Variants in AKAP9 observed in about 807,000 individuals in gnomAD.
AKAP9 encodes A-kinase anchor protein 9.
AKAP9 carries 311 observed loss-of-function variants against 488.5 expected under a neutral mutation model. The observed-to-expected ratio is 0.64, with a 90% CI of 0.58 to 0.70. The LOEUF (loss-of-function observed/expected upper bound fraction) is 0.70, where lower values mean the gene tolerates loss of function less well. AKAP9 is among the 30% of genes least tolerant of loss of function. AKAP9 has a pLI of 0.00. For missense variants in AKAP9, 4,215 were observed against 4,374.5 expected (o/e 0.96, Z 1.03); for synonymous variants, 1,462 against 1,483.5 (o/e 0.99, Z 0.33).
At chr7:91,987,525 A>G (rs1797255074) in intron 3 of AKAP9, among the ~76,000 whole-genome samples, 1 of 152,230 alleles carries the variant, frequency 6.6e-6, no homozygotes, top group Non-Finnish European at 1.5e-5. Flanking sequence ...GTATGGATTC[A>G]CAACGGATTA....
intron 30 of AKAP9, 58 bp from the exon 31 acceptor site, chr7:92,079,021 A>T (rs1813073533): frequency 7.9e-6 from 10 of 1,272,114 alleles, no homozygotes; most frequent in South Asian, 1.5e-5. Context: ...ATAAAGTAAA[A>T]TTTTCAAAAT....
chr7:92,025,326 G>A (rs978551486), intron 14 of AKAP9, among the ~76,000 whole-genome samples: 1 of 152,128 alleles, frequency 6.6e-6, no homozygotes, highest in African/African-American at 2.4e-5. Flanking sequence ...CTCTCTCAGA[G>A]TTTCTATAAT....
rs376530409 is a variant in AKAP9, at chr7:92,034,581, A to C, written c.4338+2977A>C. ...CAGTGGCACAATCTCAGCTCACTGC[A>C]ACCTCTGCCTCTGGATTCAAGTGAT... On this transcript the variant is annotated intron_variant, in intron 16 of 49. Transcript: ENST00000356239. Among the ~76,000 whole-genome samples, 188 of 142,694 alleles carry C rather than the reference A, an allele frequency of 1.3e-3. 1 individual carries two copies. The East Asian group carries it at 0.023, about 17-fold the overall frequency. The allele number at this position is 142,694 out of a possible 152,430, so 93.6% of individuals were successfully genotyped here. A position where few individuals can be genotyped will look rare whatever the true frequency, so the allele number is the denominator to read the frequency against.
At chr7:92,028,641 A>G (rs1803717926) in intron 14 of AKAP9, among the ~76,000 whole-genome samples, 1 of 152,242 alleles carries the variant, frequency 6.6e-6, no homozygotes, top group Non-Finnish European at 1.5e-5. Context: ...TCTCAAAAAT[A>G]AAGACATACA....
At chr7:91,945,929 A>G (rs1393082052) in intron 1 of AKAP9, among the ~76,000 whole-genome samples, 1 of 152,218 alleles carries the variant, frequency 6.6e-6, no homozygotes, top group African/African-American at 2.4e-5. Flanking sequence ...AATTTGCATT[A>G]GGTATACTTT....
intron 22 of AKAP9, among the ~76,000 whole-genome samples, chr7:92,058,901 T>C (rs1410093746): frequency 6.6e-6 from 1 of 152,024 alleles, no homozygotes; most frequent in Non-Finnish European, 1.5e-5. Context: ...TTGTTTTTAA[T>C]ATGCCTCGTA....
At chr7:91,959,093 C>G (rs2130502528) in intron 1 of AKAP9, among the ~76,000 whole-genome samples, 1 of 152,006 alleles carries the variant, frequency 6.6e-6, no homozygotes, top group East Asian at 1.9e-4. Context: ...CTATGTTGCC[C>G]AGGTTGGTCT....
chr7:92,071,308 T>C (rs987684306), intron 28 of AKAP9, among the ~76,000 whole-genome samples: 2 of 139,782 alleles, frequency 1.4e-5, no homozygotes, highest in African/African-American at 5.7e-5. Flanking sequence ...AGAGATATAG[T>C]AGTGTTAGGA....
chr7:92,105,441 G>T (rs1044242829), intron 46 of AKAP9, among the ~76,000 whole-genome samples: 3 of 152,046 alleles, frequency 2.0e-5, no homozygotes, highest in African/African-American at 7.3e-5. Context: ...GGAACCTGAT[G>T]CTGGCAATAT....
chr7:92,100,841 C>T lies in AKAP9; in HGVS notation c.10897-15C>T. The T allele has an allele frequency of 6.2e-7, 1 of 1,613,900 alleles. No homozygotes were observed. The highest frequency in any genetic ancestry group is 8.5e-7 in the Non-Finnish European group (1 of 1,179,848). On this transcript the variant is annotated splice_polypyrimidine_tract_variant and intron_variant, in intron 44 of 49. Transcript: ENST00000356239. ...TTCTTCAGAGACTTGTGTAAGTAGGCTGTGGTCTTTGCAGTCTTCCAGGTT... is the reference window on the plus strand; with the variant it reads ...TTCTTCAGAGACTTGTGTAAGTAGGTTGTGGTCTTTGCAGTCTTCCAGGTT...
intron 47 of AKAP9, 69 bp from the exon 48 acceptor site, chr7:92,107,224 T>C (rs997342759): frequency 1.6e-5 from 24 of 1,504,680 alleles, no homozygotes; most frequent in Non-Finnish European, 2.1e-5. Context: ...CAGTTACCTA[T>C]TTTGTAGAAA....
At chr7:92,044,296 A>G (rs1308880551) in intron 20 of AKAP9, among the ~76,000 whole-genome samples, 1 of 152,186 alleles carries the variant, frequency 6.6e-6, no homozygotes, top group Non-Finnish European at 1.5e-5. Context: ...AGTTGAAAAC[A>G]GGTTTCTTCT....
At position 92,022,840 on chromosome 7, in the gene AKAP9, T is replaced by C. The variant is rs749034062; in HGVS notation, c.3979T>C (p.Ser1327Pro). ...TGTCAATCATAAAAGCAAGTTATCT[T>C]CTCTGCAAGATCTTGAAAAAACTAA... ...IDVNHKSKLS[S>P]LQDLEKTKLE... Residue 1327 changes from serine (S) to proline (P), a missense_variant, in exon 14 of 50, where the codon TCT (serine) becomes CCT (proline). Coordinates refer to ENST00000356239, the MANE Select transcript of AKAP9 (RefSeq NM_005751.5). The C allele has an allele frequency of 3.1e-6, 5 of 1,598,986 alleles. No homozygotes were observed. The South Asian group carries it at 4.4e-5, about 14-fold the overall frequency.
At chr7:91,972,841 C>A (rs1795255046) in intron 1 of AKAP9, among the ~76,000 whole-genome samples, 1 of 152,140 alleles carries the variant, frequency 6.6e-6, no homozygotes, top group Admixed American at 6.5e-5. Context: ...GACAAAAATC[C>A]TGATGATGAT....
intron 46 of AKAP9, among the ~76,000 whole-genome samples, chr7:92,103,685 ACT>A (rs1211043799): frequency 6.7e-6 from 1 of 148,964 alleles, no homozygotes; most frequent in Admixed American, 6.7e-5. Flanking sequence ...ACAGAGCAAG[ACT>A]CTGTCTCAAA....
At chr7:92,107,214 C>T in intron 47 of AKAP9, 79 bp from the exon 48 acceptor site, 3 of 1,340,708 alleles carry the variant, frequency 2.2e-6, no homozygotes, top group Non-Finnish European at 3.2e-6. Flanking sequence ...GTCTTTTGAG[C>T]AGTTACCTAT....
At chr7:92,101,445 A>G (rs910604797) in intron 45 of AKAP9, among the ~76,000 whole-genome samples, 9 of 152,082 alleles carry the variant, frequency 5.9e-5, no homozygotes, top group Non-Finnish European at 1.5e-5. Context: ...TCAAAAAAAA[A>G]AAAAAAATGT....
At chr7:91,946,915 A>G (rs1791522176) in intron 1 of AKAP9, among the ~76,000 whole-genome samples, 1 of 152,220 alleles carries the variant, frequency 6.6e-6, no homozygotes, top group African/African-American at 2.4e-5. Context: ...TATGTCTACA[A>G]AATATCTATT....
chr7:92,028,672 A>G (rs1346390979), intron 14 of AKAP9, among the ~76,000 whole-genome samples: 3 of 152,356 alleles, frequency 2.0e-5, no homozygotes, highest in African/African-American at 2.4e-5. Context: ...AAGTTTTACA[A>G]TTGTTATAAC....
Sources: gnomAD v4.1 joint callset for allele counts (sites outside exome capture counted in the v4.1 genomes callset) on GRCh38, gnomAD v4.1.1 for gene constraint, MANE v1.5 for transcripts, NCBI Gene and HGNC (gene_info 2026-07-23, HGNC 2026-07-21) for gene names.